Variants in PPARG observed in about 807,000 individuals in gnomAD.
PPARG encodes the protein peroxisome proliferator-activated receptor gamma.
Under a neutral mutation model 39.2 loss-of-function variants are expected in PPARG, and 17 were observed. The observed-to-expected ratio is 0.43, with a 90% CI of 0.30 to 0.65. PPARG has a LOEUF of 0.65. Ranked by LOEUF, PPARG falls within the 30% of genes least tolerant of loss-of-function variation. The pLI is 0.13. For synonymous variants in PPARG, 223 were observed against 215.7 expected, an observed-to-expected ratio of 1.03 and a Z score of -0.30; for missense variants, 406 against 585.9, an observed-to-expected ratio of 0.69 and a Z score of 3.17.
chr3:12,337,680 C>T (rs370213840), intron 2 of PPARG, among the ~76,000 whole-genome samples: 11 of 152,282 alleles, frequency 7.2e-5, no homozygotes, highest in South Asian at 6.2e-4. Context: ...TCTGTTTTTA[C>T]CATTTGCAGT....
At chr3:12,392,437 A>T (rs778663213) in intron 4 of PPARG, among the ~76,000 whole-genome samples, 177 bp from the exon 5 acceptor site, 27 of 152,342 alleles carry the variant, frequency 1.8e-4, no homozygotes, top group Non-Finnish European at 2.1e-4. Context: ...TCTTTATTTT[A>T]TAGCAGAGAA....
At chr3:12,415,772 A>G (rs1229068741) in intron 6 of PPARG, among the ~76,000 whole-genome samples, 3 of 151,952 alleles carry the variant, frequency 2.0e-5, no homozygotes, top group Non-Finnish European at 4.4e-5. Flanking sequence ...AGAAATAGAC[A>G]TTTTCTTGGT....
rs1490333701 is a variant in PPARG at position 12,331,922 on chromosome 3, C to T, written c.-9+19469C>T. ...AGTTTCAGTTGCCTGTGAGATATTT[C>T]AATGGAGTTACCAAATAGATATTTC... On this transcript the variant is annotated intron_variant, in intron 2 of 7. Transcript: ENST00000651735. Among the ~76,000 whole-genome samples the T allele has an allele frequency of 4.6e-5, 7 of 152,088 alleles. No homozygotes were observed. The East Asian group carries it at 1.3e-3, about 29-fold the overall frequency.
chr3:12,394,866 A>C (rs1214058890), intron 5 of PPARG, among the ~76,000 whole-genome samples: 1 of 152,252 alleles, frequency 6.6e-6, no homozygotes, highest in Non-Finnish European at 1.5e-5. Flanking sequence ...ATTCATATAG[A>C]ATGCCTTTTT....
At chr3:12,375,877 C>T (rs1451137410) in intron 2 of PPARG, among the ~76,000 whole-genome samples, 1 of 151,848 alleles carries the variant, frequency 6.6e-6, no homozygotes, top group East Asian at 1.9e-4. Flanking sequence ...TGAACCCATA[C>T]GGTACCTAAT....
intron 7 of PPARG, among the ~76,000 whole-genome samples, chr3:12,425,938 A>G (rs1335283153): frequency 6.6e-6 from 1 of 152,174 alleles, no homozygotes; most frequent in Non-Finnish European, 1.5e-5. Flanking sequence ...CTCAGTTTCC[A>G]CTGGTGGTGC....
intron 4 of PPARG, among the ~76,000 whole-genome samples, chr3:12,383,295 C>T (rs1372906854): frequency 6.6e-6 from 1 of 152,106 alleles, no homozygotes; most frequent in African/African-American, 2.4e-5. Flanking sequence ...AAAACCCGTT[C>T]GTTCTGTAAT....
intron 7 of PPARG, among the ~76,000 whole-genome samples, chr3:12,420,675 G>A (rs2051230872): frequency 6.6e-6 from 1 of 152,232 alleles, no homozygotes; most frequent in South Asian, 2.1e-4. Context: ...AGGACCCAAA[G>A]AGGAGATTTT....
intron 2 of PPARG, among the ~76,000 whole-genome samples, chr3:12,315,666 T>A (rs1390409096): frequency 6.6e-6 from 1 of 152,216 alleles, no homozygotes; most frequent in Non-Finnish European, 1.5e-5. Context: ...TATTTTCTAA[T>A]CCTTCTCATA....
At chr3:12,338,787 T>A (rs1017503431) in intron 2 of PPARG, among the ~76,000 whole-genome samples, 10 of 152,206 alleles carry the variant, frequency 6.6e-5, no homozygotes, top group Non-Finnish European at 1.5e-4. Context: ...CTCAGATGAA[T>A]CATTTACATA....
chr3:12,344,147 C>T (rs144386883), intron 2 of PPARG, among the ~76,000 whole-genome samples: 1,904 of 152,176 alleles, frequency 0.013, 34 homozygotes, highest in African/African-American at 0.041. Flanking sequence ...AGGTGTGAGC[C>T]ACCACGCCCA....
chr3:12,397,478 T>G (rs1297896417), intron 5 of PPARG, among the ~76,000 whole-genome samples: 1 of 150,780 alleles, frequency 6.6e-6, no homozygotes, highest in Non-Finnish European at 1.5e-5. Context: ...TGGCGCGATC[T>G]AGGCTCACTG....
At chr3:12,326,922 A>C (rs919251849) in intron 2 of PPARG, among the ~76,000 whole-genome samples, 2 of 152,202 alleles carry the variant, frequency 1.3e-5, no homozygotes, top group African/African-American at 4.8e-5. Flanking sequence ...TTGATTCAAG[A>C]TAGTGAGATA....
chr3:12,337,399 G>A (rs1472908571), intron 2 of PPARG, among the ~76,000 whole-genome samples: 1 of 152,172 alleles, frequency 6.6e-6, no homozygotes, highest in Non-Finnish European at 1.5e-5. Flanking sequence ...GGGAGGACAG[G>A]TGGGTGTGTG....
At chr3:12,356,905 T>C (rs2125107141) in intron 2 of PPARG, among the ~76,000 whole-genome samples, 1 of 152,278 alleles carries the variant, frequency 6.6e-6, no homozygotes, top group East Asian at 1.9e-4. Context: ...TTTCAAATCG[T>C]CCCTGTCCTT....
intron 7 of PPARG, among the ~76,000 whole-genome samples, chr3:12,419,610 A>G (rs2051194969): frequency 6.6e-6 from 1 of 152,012 alleles, no homozygotes. Context: ...CTGGGATTAC[A>G]GGAATGTACC....
Position 12,369,602 on chromosome 3 carries a change from C to G in PPARG, c.-8-10102C>G, listed in dbSNP as rs768900357. Among the ~76,000 whole-genome samples the G allele has an allele frequency of 9.2e-5, 14 of 152,086 alleles. No individual in the cohort carries two copies. In the South Asian group the frequency reaches 2.5e-3, roughly 27 times the overall value. On this transcript the variant is annotated intron_variant, in intron 2 of 7. Transcript: ENST00000651735. ...ATTTAGTCCTTTTACTACCATATTC[C>G]CTTTTCCAAAACACATACTTCTCCC... is the stretch of plus-strand genomic sequence containing the variant.
At chr3:12,403,724 G>A (rs768859320) in intron 5 of PPARG, among the ~76,000 whole-genome samples, 1 of 152,108 alleles carries the variant, frequency 6.6e-6, no homozygotes, top group Non-Finnish European at 1.5e-5. Flanking sequence ...CTGCAGATGT[G>A]GAACCTGCGG....
At chr3:12,352,408 C>T (rs1386838792) in intron 2 of PPARG, among the ~76,000 whole-genome samples, 1 of 152,188 alleles carries the variant, frequency 6.6e-6, no homozygotes, top group Non-Finnish European at 1.5e-5. Context: ...CAGATACCTC[C>T]TTTTCAATAT....
Sources: allele counts gnomAD v4.1 joint callset (sites outside exome capture counted in the v4.1 genomes callset), GRCh38; gene constraint gnomAD v4.1.1; transcripts MANE v1.5; gene names NCBI Gene and HGNC (gene_info 2026-07-23, HGNC 2026-07-21).